EPC1: variants seen among roughly 807,000 people sequenced by gnomAD.
EPC1 encodes the protein enhancer of polycomb 1.
Under a neutral mutation model 98.4 loss-of-function variants are expected in EPC1, and 12 were observed. That is an observed-to-expected ratio of 0.12 (90% CI 0.08 to 0.20). The LOEUF (loss-of-function observed/expected upper bound fraction) is 0.20, where lower values mean the gene tolerates loss of function less well. EPC1 is among the 10% of genes least tolerant of loss of function. EPC1 has a pLI of 1.00. For missense variants in EPC1, 729 were observed against 990.5 expected (o/e 0.74, Z 3.54); for synonymous variants, 357 against 363.9 (o/e 0.98, Z 0.21).
chr10:32,378,515 C>A, exon 1 of EPC1: 1 of 1,536,362 alleles, frequency 6.5e-7, no homozygotes, highest in Non-Finnish European at 8.8e-7. Flanking sequence ...AAGAAGACGG[C>A]AGTTCTTGAA....
At chr10:32,309,507 T>TC (rs1836076888) in intron 1 of EPC1, among the ~76,000 whole-genome samples, 1 of 147,818 alleles carries the variant, frequency 6.8e-6, no homozygotes, top group East Asian at 2.0e-4. Context: ...TTTTTTTTTT[T>TC]CTTTTCCCAT....
chr10:32,371,748 C>G (rs991736343), intron 1 of EPC1, among the ~76,000 whole-genome samples: 17 of 151,786 alleles, frequency 1.1e-4, no homozygotes, highest in Admixed American at 1.1e-3. Context: ...AAAATACACA[C>G]ACACAAAAAT....
chr10:32,269,221 T>C (rs1835718563), intron 13 of EPC1, 86 bp from the exon 14 acceptor site: 1 of 1,160,580 alleles, frequency 8.6e-7, no homozygotes, highest in Non-Finnish European at 1.3e-6. Flanking sequence ...AAAGTTTATT[T>C]TTATTAACAG....
At chr10:32,288,042 G>A (rs72789787) in intron 6 of EPC1, among the ~76,000 whole-genome samples, 17,538 of 152,088 alleles carry the variant, frequency 0.12, 1,155 homozygotes, top group Non-Finnish European at 0.14. Context: ...TGTATTTGTT[G>A]GAAAGAAAAA....
chr10:32,334,923 G>A (rs1837864456), intron 1 of EPC1, among the ~76,000 whole-genome samples: 1 of 152,176 alleles, frequency 6.6e-6, no homozygotes, highest in Admixed American at 6.5e-5. Context: ...AAAGGAAGGA[G>A]AAGTCTGAGA....
chr10:32,291,153 C>T lies in EPC1; in HGVS notation c.975+10G>A, dbSNP rs1592555574. On this transcript the variant is annotated intron_variant, in intron 6 of 13. Transcript: ENST00000319778. ...TTATTAGATACTATTATCACAAAAA[C>T]ATTAATCACCTTATTAACTTTGAAC... The T allele has an allele frequency of 6.2e-7, 1 of 1,608,090 alleles. No homozygotes were observed. Among genetic ancestry groups the T allele is most frequent in the South Asian group, 1.1e-5 (1 of 90,814 alleles).
At chr10:32,340,399 G>C (rs1838263206) in intron 1 of EPC1, among the ~76,000 whole-genome samples, 1 of 152,194 alleles carries the variant, frequency 6.6e-6, no homozygotes, top group Admixed American at 6.5e-5. Flanking sequence ...GTGCAAAGTT[G>C]AGTGTCCACT....
At chr10:32,273,527 T>C (rs186117436) in intron 10 of EPC1, among the ~76,000 whole-genome samples, 1 of 152,016 alleles carries the variant, frequency 6.6e-6, no homozygotes, top group Admixed American at 6.6e-5. Flanking sequence ...GAAAGAGAAC[T>C]GCTCACTTCC....
At chr10:32,327,881 T>C (rs1837400565) in intron 1 of EPC1, among the ~76,000 whole-genome samples, 3 of 152,330 alleles carry the variant, frequency 2.0e-5, no homozygotes, top group Admixed American at 2.0e-4. Context: ...GAAACGTCAC[T>C]ATGCAGAACA....
chr10:32,340,839 C>T (rs1838294876), intron 1 of EPC1, among the ~76,000 whole-genome samples: 1 of 150,342 alleles, frequency 6.7e-6, no homozygotes, highest in Non-Finnish European at 1.5e-5. Context: ...CAAAAAAAAA[C>T]CCGCAATTCT....
At chr10:32,353,233 C>T (rs902940100) in intron 1 of EPC1, among the ~76,000 whole-genome samples, 1 of 150,368 alleles carries the variant, frequency 6.7e-6, no homozygotes, top group Non-Finnish European at 1.5e-5. Flanking sequence ...AAGTGAAGTG[C>T]GAACTAGAAT....
At chr10:32,324,151 A>AT (rs890641776) in intron 1 of EPC1, among the ~76,000 whole-genome samples, 34 of 151,858 alleles carry the variant, frequency 2.2e-4, no homozygotes, top group African/African-American at 6.8e-4. Context: ...GTTAGCCAGG[A>AT]TGGTCTGGAC....
intron 13 of EPC1, among the ~76,000 whole-genome samples, chr10:32,271,104 G>T (rs375199179): frequency 2.0e-5 from 3 of 151,706 alleles, no homozygotes; most frequent in African/African-American, 7.3e-5. Context: ...CGATTCTCCT[G>T]CCTCAGCCTC....
At chr10:32,318,439 TGCAA>T (rs1836685427) in intron 1 of EPC1, among the ~76,000 whole-genome samples, 2 of 152,222 alleles carry the variant, frequency 1.3e-5, no homozygotes, top group South Asian at 4.1e-4. Context: ...TACGCACCCT[TGCAA>T]TTTCATCCAG....
intron 1 of EPC1, among the ~76,000 whole-genome samples, chr10:32,352,488 C>T (rs796301195): frequency 1.3e-5 from 2 of 152,084 alleles, no homozygotes; most frequent in African/African-American, 4.8e-5. Flanking sequence ...CCACAGTGAA[C>T]CCTCAATAGA....
At chr10:32,325,062 C>CTA (rs1299322220) in intron 1 of EPC1, among the ~76,000 whole-genome samples, 6 of 152,134 alleles carry the variant, frequency 3.9e-5, no homozygotes, top group African/African-American at 1.4e-4. Context: ...TAGCTGCAGA[C>CTA]TGTCACTGTT....
chr10:32,278,031 G>A (rs2132661543), intron 10 of EPC1, among the ~76,000 whole-genome samples: 1 of 152,280 alleles, frequency 6.6e-6, no homozygotes, highest in Non-Finnish European at 1.5e-5. Context: ...GGAAAGTGAT[G>A]GGTGCTAAGG....
chr10:32,272,902 AC>A (rs1813042265), intron 11 of EPC1: 1 of 795,096 alleles, frequency 1.3e-6, no homozygotes, highest in Admixed American at 2.4e-5. Context: ...TTCAAGAGGT[AC>A]ATTAATGGAC....
chr10:32,316,705 T>A (rs1000049265), intron 1 of EPC1, among the ~76,000 whole-genome samples: 6 of 152,190 alleles, frequency 3.9e-5, no homozygotes, highest in African/African-American at 1.4e-4. Context: ...GATGGTAATG[T>A]TCTCTATCTT....
Sources: gnomAD v4.1 joint callset for allele counts (sites outside exome capture counted in the v4.1 genomes callset) on GRCh38, gnomAD v4.1.1 for gene constraint, MANE v1.5 for transcripts, NCBI Gene and HGNC (gene_info 2026-07-23, HGNC 2026-07-21) for gene names.